RNF145: variants seen among roughly 807,000 people sequenced by gnomAD.
The protein encoded by RNF145 is ring finger protein 145.
Under a neutral mutation model 57.3 loss-of-function variants are expected in RNF145, and 12 were observed. That is an observed-to-expected ratio of 0.21 (90% CI 0.13 to 0.34). The LOEUF (loss-of-function observed/expected upper bound fraction) is 0.34, where lower values mean the gene tolerates loss of function less well. Among genes scored for constraint, RNF145 ranks in the 10% least tolerant of loss-of-function variants. RNF145 has a pLI of 1.00. For synonymous variants in RNF145, 262 were observed against 288.3 expected, an observed-to-expected ratio of 0.91 and a Z score of 0.92; for missense variants, 429 against 799.0, an observed-to-expected ratio of 0.54 and a Z score of 5.58.
intron 8 of RNF145, among the ~76,000 whole-genome samples, 172 bp downstream of exon 8, chr5:159,168,697 AAGTC>A (rs1784458598): frequency 6.6e-6 from 1 of 152,178 alleles, no homozygotes. Flanking sequence ...AAAGTCAAGT[AAGTC>A]AGACATCTCA....
intron 8 of RNF145, among the ~76,000 whole-genome samples, chr5:159,167,066 A>T (rs1245219084): frequency 1.3e-5 from 2 of 152,184 alleles, no homozygotes; most frequent in East Asian, 1.9e-4. Context: ...CAACTGCTTT[A>T]ATTTCTTTAA....
chr5:159,176,740 G>T lies in RNF145; in HGVS notation c.513C>A (p.Ile171=), dbSNP rs1465774054. ...CLVPLETIVI[I]NKFAMIFTGL... is the part of the protein sequence containing the mutation. ...CAGTAAAAATCATAGCAAATTTATT[G>T]ATGATAACAATTGTCTCCAAAGGAA... Residue 171 remains isoleucine, a synonymous_variant, in exon 5 of 11, where the codon ATC becomes ATA. Transcript: ENST00000424310. 2 of 1,611,830 alleles carry T rather than the reference G, an allele frequency of 1.2e-6. No individual in the cohort carries two copies. The highest frequency in any genetic ancestry group is 2.2e-5 in the South Asian group (2 of 90,982).
At chr5:159,209,894 C>G, upstream of RNF145, 1 of 1,536,112 alleles carries the variant, frequency 6.5e-7, no homozygotes, top group South Asian at 1.2e-5. Flanking sequence ...CTGATCCTGT[C>G]CCGGTGCATT....
At chr5:159,162,475 C>T (rs971444760) in intron 9 of RNF145, among the ~76,000 whole-genome samples, 3 of 148,962 alleles carry the variant, frequency 2.0e-5, no homozygotes, top group African/African-American at 7.4e-5. Context: ...TCGCCCAGGC[C>T]GGACTGCGGA....
chr5:159,177,832 AT>A, intron 4 of RNF145, among the ~76,000 whole-genome samples: 1 of 152,136 alleles, frequency 6.6e-6, no homozygotes, highest in Admixed American at 6.6e-5. Flanking sequence ...TATTTCCCAA[AT>A]TTTTTAAATT....
At chr5:159,184,218 T>C (rs1321834998) in intron 3 of RNF145, among the ~76,000 whole-genome samples, 1 of 152,258 alleles carries the variant, frequency 6.6e-6, no homozygotes, top group East Asian at 1.9e-4. Flanking sequence ...AGAATTTGAT[T>C]GCTGAGACAT....
At chr5:159,195,351 T>C (rs746442930) in intron 2 of RNF145, among the ~76,000 whole-genome samples, 2 of 152,202 alleles carry the variant, frequency 1.3e-5, no homozygotes, top group Non-Finnish European at 2.9e-5. Context: ...ATAAACTTCT[T>C]TTCACTGCGA....
chr5:159,178,445 T>C (rs1584681959), intron 4 of RNF145, among the ~76,000 whole-genome samples: 1 of 152,040 alleles, frequency 6.6e-6, no homozygotes. Flanking sequence ...TGCTCCATCA[T>C]ACTGATTGGA....
chr5:159,170,733 C>T (rs1010166928), intron 6 of RNF145, among the ~76,000 whole-genome samples: 3 of 152,052 alleles, frequency 2.0e-5, no homozygotes, highest in African/African-American at 4.8e-5. Context: ...TAGCTAAGAC[C>T]GTAAGAGCGT....
intron 6 of RNF145, among the ~76,000 whole-genome samples, chr5:159,171,885 T>G (rs1784571478): frequency 6.6e-6 from 1 of 152,136 alleles, no homozygotes. Flanking sequence ...TACAACATTC[T>G]TATCATGAAA....
chr5:159,192,449 G>C (rs1383829610), intron 3 of RNF145, among the ~76,000 whole-genome samples: 2 of 152,158 alleles, frequency 1.3e-5, no homozygotes, highest in African/African-American at 2.4e-5. Flanking sequence ...ACAATATTAA[G>C]AGGTCTACCT....
intron 3 of RNF145, among the ~76,000 whole-genome samples, chr5:159,182,858 T>G (rs1784937518): frequency 6.6e-6 from 1 of 152,096 alleles, no homozygotes; most frequent in Non-Finnish European, 1.5e-5. Flanking sequence ...TGTAAAAAAA[T>G]TCTTCCCTTT....
At chr5:159,200,773 T>TA (rs908716559) in intron 2 of RNF145, among the ~76,000 whole-genome samples, 3 of 152,192 alleles carry the variant, frequency 2.0e-5, no homozygotes, top group South Asian at 2.1e-4. Context: ...CACAAATTGG[T>TA]AAAAAAAGAA....
At chr5:159,176,967 TGAA>T in intron 4 of RNF145, 100 bp from the exon 5 acceptor site, 1 of 648,212 alleles carries the variant, frequency 1.5e-6, no homozygotes, top group East Asian at 2.8e-5. Flanking sequence ...ACACAACTTT[TGAA>T]GAAGTCTAAC....
intron 2 of RNF145, among the ~76,000 whole-genome samples, chr5:159,197,846 A>C (rs532212507): frequency 3.1e-4 from 47 of 152,196 alleles, no homozygotes; most frequent in African/African-American, 1.1e-3. Context: ...AATCCCAGCT[A>C]CTCGGGAGGC....
chr5:159,185,085 A>T (rs1785015544), intron 3 of RNF145, among the ~76,000 whole-genome samples: 1 of 152,176 alleles, frequency 6.6e-6, no homozygotes, highest in African/African-American at 2.4e-5. Context: ...ATCATTCATC[A>T]TAGCCTCAAA....
chr5:159,175,471 T>C (rs1396695896), intron 5 of RNF145, among the ~76,000 whole-genome samples: 1 of 152,198 alleles, frequency 6.6e-6, no homozygotes, highest in African/African-American at 2.4e-5. Context: ...AAATATTTAA[T>C]ATTCAATAAG....
At chr5:159,209,172 C>T (rs1562082566) in intron 1 of RNF145, 59 bp downstream of exon 1, 3 of 609,762 alleles carry the variant, frequency 4.9e-6, no homozygotes, top group Non-Finnish European at 5.5e-6. Context: ...GGAGGGAGGC[C>T]GTGGGAAGCG....
Position 159,209,470 on chromosome 5 carries a change from C to T in RNF145, c.-279G>A, listed in dbSNP as rs1786027114. ...ACCATCGTCCGCGGCAGCAGGCGCT[C>T]GCGGGCCGAGCCCCTTAGCAGCCGG... On this transcript the variant is annotated 5_prime_UTR_variant, in exon 1 of 11. Coordinates refer to ENST00000424310, the MANE Select transcript of RNF145 (RefSeq NM_001199383.2). 1 of 980,066 alleles carries T rather than the reference C, an allele frequency of 1.0e-6. No individual in the cohort carries two copies. The highest frequency in any genetic ancestry group is 1.8e-5 in the African/African-American group (1 of 56,288). The allele number at this position is 980,066 out of a possible 1,614,324, so 60.7% of individuals were successfully genotyped here.
Sources: allele counts gnomAD v4.1 joint callset (sites outside exome capture counted in the v4.1 genomes callset), GRCh38; gene constraint gnomAD v4.1.1; transcripts MANE v1.5; gene names NCBI Gene and HGNC (gene_info 2026-07-23, HGNC 2026-07-21).